Variants in EPB41L4A observed in about 807,000 individuals in gnomAD.
The protein encoded by EPB41L4A is band 4.1-like protein 4A.
In EPB41L4A, 100 loss-of-function variants were observed where a neutral mutation model predicts 108.6. The observed-to-expected ratio is 0.92, with a 90% CI of 0.78 to 1.09. EPB41L4A has a LOEUF of 1.09. Among genes scored for constraint, EPB41L4A ranks in the 50% least tolerant of loss-of-function variants. The pLI is 0.00. For synonymous variants in EPB41L4A, 319 were observed against 289.0 expected (o/e 1.10, Z -1.05); for missense variants, 1,030 against 842.7 (o/e 1.22, Z -2.75).
intron 13 of EPB41L4A, among the ~76,000 whole-genome samples, chr5:112,207,836 C>T (rs62370374): frequency 0.34 from 52,066 of 152,022 alleles, 9,313 homozygotes; most frequent in South Asian, 0.51. Context: ...TATAAATTAG[C>T]TCAGCCATTG....
chr5:112,416,703 A>T (rs56943461), intron 1 of EPB41L4A, among the ~76,000 whole-genome samples: 4,509 of 152,316 alleles, frequency 0.03, 240 homozygotes, highest in African/African-American at 0.1. Flanking sequence ...AATTTTAAGT[A>T]ATTAATGCAA....
intron 12 of EPB41L4A, among the ~76,000 whole-genome samples, chr5:112,147,971 G>A (rs572783062): frequency 3.3e-5 from 5 of 150,038 alleles, no homozygotes; most frequent in Non-Finnish European, 4.5e-5. Flanking sequence ...CCCAGGAGGT[G>A]GAGGCTGCAG....
At chr5:112,316,383 G>C (rs186754636) in intron 1 of EPB41L4A, among the ~76,000 whole-genome samples, 1 of 152,052 alleles carries the variant, frequency 6.6e-6, no homozygotes, top group African/African-American at 2.4e-5. Flanking sequence ...CTAGTTCTCT[G>C]GGAAAACTTA....
chr5:112,402,610 G>C (rs2112757460), intron 1 of EPB41L4A, among the ~76,000 whole-genome samples: 1 of 152,230 alleles, frequency 6.6e-6, no homozygotes, highest in East Asian at 1.9e-4. Context: ...GTACGTGGAA[G>C]ACTCGGCACT....
At chr5:112,209,163 C>T (rs1191922534) in intron 13 of EPB41L4A, among the ~76,000 whole-genome samples, 2 of 152,240 alleles carry the variant, frequency 1.3e-5, no homozygotes, top group African/African-American at 2.4e-5. Flanking sequence ...TTGCAGGTCA[C>T]ATATCTCTGA....
chr5:112,154,327 T>C (rs770559934), intron 12 of EPB41L4A, among the ~76,000 whole-genome samples: 1 of 152,234 alleles, frequency 6.6e-6, no homozygotes, highest in Non-Finnish European at 1.5e-5. Flanking sequence ...TTCATTTTGC[T>C]AAAATTATAT....
At position 112,265,023 on chromosome 5, in the gene EPB41L4A, A is replaced by G. The variant is rs1331656471; in HGVS notation, c.434-7T>C. ...TCATAATCTCCAAGCTCCGCTAAAAAAGAAAGATAACATAGTTTTTTCCAT... is the reference window on the plus strand; with the variant it reads ...TCATAATCTCCAAGCTCCGCTAAAAGAGAAAGATAACATAGTTTTTTCCAT... On this transcript the variant is annotated splice_region_variant and splice_polypyrimidine_tract_variant and intron_variant, in intron 5 of 22. Transcript: ENST00000261486. The G allele has an allele frequency of 1.3e-6, 2 of 1,555,664 alleles. No individual in the cohort carries two copies. The highest frequency in any genetic ancestry group is 1.4e-5 in the African/African-American group (1 of 72,224).
At chr5:112,419,616 CT>C (rs1037838556), upstream of EPB41L4A, 17 of 455,506 alleles carry the variant, frequency 3.7e-5, no homozygotes, top group African/African-American at 2.2e-4. Flanking sequence ...CTCGGCTTTT[CT>C]TTTGTGTGAG....
chr5:112,390,126 A>G (rs969137282), intron 1 of EPB41L4A, among the ~76,000 whole-genome samples: 1 of 152,228 alleles, frequency 6.6e-6, no homozygotes, highest in Non-Finnish European at 1.5e-5. Context: ...TCCCAGCGTG[A>G]TCGACACAGA....
chr5:112,265,931 A>G (rs899241541), intron 5 of EPB41L4A, among the ~76,000 whole-genome samples: 2 of 152,146 alleles, frequency 1.3e-5, no homozygotes, highest in Admixed American at 6.5e-5. Context: ...TGTGGGGAGG[A>G]AAATCAATAA....
At chr5:112,256,863 G>C (rs1046021742) in intron 9 of EPB41L4A, 1 of 152,006 alleles carries the variant, frequency 6.6e-6, no homozygotes, top group East Asian at 1.9e-4. Flanking sequence ...TTCTTTGCAG[G>C]GTATTTTCTG....
chr5:112,197,791 A>C (rs1301967569), intron 15 of EPB41L4A, among the ~76,000 whole-genome samples: 2 of 152,150 alleles, frequency 1.3e-5, no homozygotes, highest in Non-Finnish European at 2.9e-5. Flanking sequence ...TGGACCCTAC[A>C]TCTCCAGGTC....
In EPB41L4A at chr5:112,325,196, C is replaced by T. The variant is rs1374880119; in HGVS notation, c.100-17706G>A. ...GTGGCTCACGCCTGTAATCCCAGTA[C>T]TTTGGGAAGCTGAGGCGGGCAGATC... is the stretch of plus-strand genomic sequence containing the variant. On this transcript the variant is annotated intron_variant, in intron 1 of 22. Transcript: ENST00000261486. 2.6e-5 allele frequency among the ~76,000 whole-genome samples: 4 copies of T among 152,108 alleles called. No homozygotes were observed. In the East Asian group the frequency reaches 7.7e-4, roughly 29 times the overall value.
intron 18 of EPB41L4A, among the ~76,000 whole-genome samples, chr5:112,179,361 T>C (rs1285201532): frequency 2.6e-5 from 4 of 152,038 alleles, no homozygotes; most frequent in African/African-American, 9.7e-5. Context: ...TATAATATTT[T>C]TACCAAAAAC....
At chr5:112,375,248 T>C (rs1759737370) in intron 1 of EPB41L4A, among the ~76,000 whole-genome samples, 1 of 151,752 alleles carries the variant, frequency 6.6e-6, no homozygotes, top group Non-Finnish European at 1.5e-5. Context: ...GATGATCACG[T>C]TGTCCCTTCC....
At chr5:112,244,308 A>G (rs564372811) in intron 9 of EPB41L4A, among the ~76,000 whole-genome samples, 2 of 152,314 alleles carry the variant, frequency 1.3e-5, no homozygotes, top group East Asian at 3.9e-4. Flanking sequence ...TGGCACCCCA[A>G]ATCAATTGCA....
At chr5:112,347,797 C>G (rs115665330) in intron 1 of EPB41L4A, among the ~76,000 whole-genome samples, 1,889 of 152,266 alleles carry the variant, frequency 0.012, 41 homozygotes, top group South Asian at 0.05. Context: ...CCTGTGTCTT[C>G]CAGCACTCTA....
At chr5:112,316,038 C>A (rs905604403) in intron 1 of EPB41L4A, among the ~76,000 whole-genome samples, 1 of 152,192 alleles carries the variant, frequency 6.6e-6, no homozygotes, top group African/African-American at 2.4e-5. Context: ...TACTGACATA[C>A]TAGCAACATT....
chr5:112,174,283 G>C (rs528959587), intron 18 of EPB41L4A, among the ~76,000 whole-genome samples: 5 of 152,184 alleles, frequency 3.3e-5, no homozygotes, highest in African/African-American at 1.2e-4. Flanking sequence ...ATGATCTGCA[G>C]CTCAGTGTTA....
Sources: gnomAD v4.1 joint callset for allele counts (sites outside exome capture counted in the v4.1 genomes callset) on GRCh38, gnomAD v4.1.1 for gene constraint, MANE v1.5 for transcripts, NCBI Gene and HGNC (gene_info 2026-07-23, HGNC 2026-07-21) for gene names.